CDH23: variants seen among roughly 807,000 people sequenced by gnomAD.
The protein encoded by CDH23 is cadherin related 23.
A neutral mutation model predicts 317.1 loss-of-function variants in CDH23; 189 were observed. The observed-to-expected ratio is 0.60, with a 90% CI of 0.53 to 0.67. The LOEUF (loss-of-function observed/expected upper bound fraction) is 0.67. Among genes scored for constraint, CDH23 ranks in the 30% least tolerant of loss-of-function variants. The probability of loss-of-function intolerance (pLI) is 0.00; values close to 1 mark genes in which losing one functional copy is unlikely to be tolerated. For synonymous variants in CDH23, 1,839 were observed against 1,876.8 expected (o/e 0.98, Z 0.52); for missense variants, 4,401 against 4,592.4 (o/e 0.96, Z 1.20).
At chr10:71,788,232 T>C (rs895990415) in intron 44 of CDH23, among the ~76,000 whole-genome samples, 4 of 151,964 alleles carry the variant, frequency 2.6e-5, no homozygotes, top group Non-Finnish European at 1.5e-5. Context: ...GTATTTTAAG[T>C]AGAGACAGGG....
At position 71,807,568 on chromosome 10, in the gene CDH23, G is replaced by A. The variant is rs2132988845; in HGVS notation, c.8361G>A (p.Val2787=). ...FHLQPDGCLL[V]LRDLDREREA... ...TGCAGCCCGATGGGTGTCTGCTGGT[G>A]CTGCGGGACCTGGACCGGGAGCGAG... The change falls in exon 59 of 70, where the codon GTG becomes GTA. Residue 2787 remains valine (V), a synonymous_variant. Coordinates refer to ENST00000224721, the MANE Select transcript of CDH23 (RefSeq NM_022124.6). 1 of 1,613,978 alleles carries A rather than the reference G, an allele frequency of 6.2e-7. No individual in the cohort carries two copies. Among genetic ancestry groups the A allele is most frequent in the East Asian group, 2.2e-5 (1 of 44,876 alleles).
chr10:71,687,293 G>A (rs1467237245), intron 18 of CDH23, among the ~76,000 whole-genome samples: 1 of 152,210 alleles, frequency 6.6e-6, no homozygotes, highest in Non-Finnish European at 1.5e-5. Flanking sequence ...GGAGCTGGGG[G>A]TGTGAGTGCT....
chr10:71,742,407 C>T lies in CDH23; in HGVS notation c.4845+486C>T, dbSNP rs563602341. Reference sequence around the variant, plus strand: ...CAACACGTCAGGGTGGGAAGGGATTCGTGTCTGTGGTTCACACTAACGCTC... The same window carrying T: ...CAACACGTCAGGGTGGGAAGGGATTTGTGTCTGTGGTTCACACTAACGCTC... On this transcript the variant is annotated intron_variant, in intron 38 of 69. Coordinates refer to ENST00000224721, the MANE Select transcript of CDH23 (RefSeq NM_022124.6). Among the ~76,000 whole-genome samples, 9 of 152,310 alleles carry T rather than the reference C, an allele frequency of 5.9e-5. No individual in the cohort carries two copies. In the East Asian group the frequency reaches 1.7e-3, roughly 29 times the overall value.
rs776915217 is a variant in CDH23 at position 71,511,120 on chromosome 10, G to T, written c.337G>T (p.Val113Leu). The T allele has an allele frequency of 5.0e-6, 8 of 1,613,294 alleles. No homozygotes were observed. Among genetic ancestry groups the T allele is most frequent in the South Asian group, 1.1e-5 (1 of 91,054 alleles). ...TAATTGCCCGCCTTTCTCTTGCCAG[G>T]TGATCACACGGAAGGTGAACATCCA... ...VEFSVSDHQGVITRKVNIQVG... is the reference protein window; with the variant it reads ...VEFSVSDHQGLITRKVNIQVG... Residue 113 changes from valine to leucine, a missense_variant and splice_region_variant, in exon 6 of 70, where the codon GTG (valine) becomes TTG (leucine). By Grantham distance (32) the Val-to-Leu change is conservative (BLOSUM62 1). Around this residue, in one of 3 missense-constraint regions of CDH23, gnomAD observed 3,068 missense variants for 3,203.3 expected, o/e 0.96. Coordinates refer to ENST00000224721, the MANE Select transcript of CDH23 (RefSeq NM_022124.6).
intron 1 of CDH23, among the ~76,000 whole-genome samples, chr10:71,407,531 C>A (rs1235314654): frequency 6.6e-6 from 1 of 152,160 alleles, no homozygotes; most frequent in African/African-American, 2.4e-5. Context: ...TGCCTGGACC[C>A]CAGCCCTTCC....
chr10:71,405,473 G>A (rs1047026834), intron 1 of CDH23, among the ~76,000 whole-genome samples: 12 of 143,930 alleles, frequency 8.3e-5, no homozygotes, highest in South Asian at 2.2e-4. Context: ...TCTCCCTGTC[G>A]CCCGGACTGG....
At position 71,777,827 on chromosome 10, in the gene CDH23, G is replaced by T; in HGVS notation, c.4993G>T (p.Gly1665Cys). Residue 1665 changes from glycine to cysteine, a missense_variant, in exon 39 of 70, where the codon GGT becomes TGT. By Grantham distance (159) the Gly-to-Cys change is radical (BLOSUM62 -3). Transcript: ENST00000224721. ...CATCCAGGCACTGGACCTGGATGAG[G>T]GTCCCAACGGCACAGTCACCTATGC... ...ITIQALDLDE[G>C]PNGTVTYAIV... 1.2e-6 allele frequency: 2 copies of T among 1,613,896 alleles called. No homozygotes were observed. The highest frequency in any genetic ancestry group is 1.7e-6 in the Non-Finnish European group (2 of 1,179,870).
At chr10:71,630,028 A>T (rs1216827474) in intron 11 of CDH23, among the ~76,000 whole-genome samples, 3 of 151,906 alleles carry the variant, frequency 2.0e-5, no homozygotes, top group African/African-American at 4.8e-5. Context: ...TTTTATTATT[A>T]TTTTTTATTT....
rs766172634 is a variant in CDH23, at chr10:71,788,996, C to G, written c.5877C>G (p.Phe1959Leu). 1 of 1,604,742 alleles carries G rather than the reference C, an allele frequency of 6.2e-7. No homozygotes were observed. Among genetic ancestry groups the G allele is most frequent in the South Asian group, 1.1e-5 (1 of 90,880 alleles). The change falls in exon 45 of 70, where the codon TTC becomes TTG. Residue 1959 changes from phenylalanine to leucine, a missense_variant. Phe to Leu is a conservative substitution (Grantham distance 22). Transcript: ENST00000224721. ...ATGAGAATGACAACCACCCCCTCTT[C>G]ACTAAAAGCACCTACCAGGCAGAGG... is the stretch of plus-strand genomic sequence containing the variant. Reference protein sequence around the residue: ...LSDENDNHPLFTKSTYQAEVM... With the variant: ...LSDENDNHPLLTKSTYQAEVM...
At position 71,793,279 on chromosome 10, in the gene CDH23, C is replaced by T. The variant is rs1841311809; in HGVS notation, c.6351C>T (p.Leu2117=). 1 of 1,613,890 alleles carries T rather than the reference C, an allele frequency of 6.2e-7. No homozygotes were observed. Among genetic ancestry groups the T allele is most frequent in the South Asian group, 1.1e-5 (1 of 91,082 alleles). Reference sequence around the variant, plus strand: ...AAGCTGGGGCTCAGGACCGCTTCCTCATTCATCTGGTCACCGGGGTCATCC... The same window carrying T: ...AAGCTGGGGCTCAGGACCGCTTCCTTATTCATCTGGTCACCGGGGTCATCC... ...RIEAGAQDRF[L]IHLVTGVIRV... is the part of the protein sequence containing the mutation. Residue 2117 remains leucine (L), a synonymous_variant, in exon 48 of 70, where the codon CTC becomes CTT. Transcript: ENST00000224721.
intron 9 of CDH23, among the ~76,000 whole-genome samples, chr10:71,591,252 C>T (rs1859475331): frequency 1.3e-5 from 2 of 152,162 alleles, no homozygotes. Context: ...AGATGATACT[C>T]CCAAGGGATG....
chr10:71,590,546 C>A (rs960802268), intron 9 of CDH23, among the ~76,000 whole-genome samples: 1 of 152,202 alleles, frequency 6.6e-6, no homozygotes, highest in Non-Finnish European at 1.5e-5. Context: ...TTCACAACGA[C>A]GTCCGGCAGA....
chr10:71,743,843 T>C (rs2132850830), intron 38 of CDH23, among the ~76,000 whole-genome samples: 1 of 152,348 alleles, frequency 6.6e-6, no homozygotes, highest in East Asian at 1.9e-4. Flanking sequence ...CTACAGAGAA[T>C]GTGGATTTCA....
chr10:71,719,792 C>A (rs1471632111), intron 28 of CDH23: 1 of 152,562 alleles, frequency 6.6e-6, no homozygotes, highest in African/African-American at 2.4e-5. Flanking sequence ...CTCCCCGTCA[C>A]TCCCCAGCTG....
intron 68 of CDH23, 32 bp from the exon 69 acceptor site, chr10:71,813,212 C>A: frequency 6.5e-7 from 1 of 1,542,168 alleles, no homozygotes; most frequent in Non-Finnish European, 8.8e-7. Context: ...AGGGGAGGGC[C>A]TTGGTGGGGG....
rs1002015521 is a variant in CDH23, at chr10:71,810,707, G to A, written c.9077+138G>A. ...TGTGTGGGGCCATCTCCCAGACTGG[G>A]GCAGGGCTAGGAGAGAGAGCAGAGT... On this transcript the variant is annotated intron_variant, in intron 62 of 69. Transcript: ENST00000224721. The A allele has an allele frequency of 2.1e-5, 16 of 763,620 alleles. No homozygotes were observed. The African/African-American group carries it at 2.6e-4, about 12-fold the overall frequency. The allele number at this position is 763,620 out of a possible 1,614,324, so 47.3% of individuals were successfully genotyped here.
At chr10:71,773,526 C>A in intron 38 of CDH23, 2 of 1,324,788 alleles carry the variant, frequency 1.5e-6, no homozygotes, top group East Asian at 2.6e-5. Context: ...CGACTGAGTG[C>A]GAGCGAGTGA....
intron 28 of CDH23, chr10:71,716,373 G>C (rs1234404109): frequency 1.4e-6 from 2 of 1,453,286 alleles, no homozygotes; most frequent in Non-Finnish European, 1.8e-6. Flanking sequence ...AAGCTCAAAG[G>C]CAGATCAGCT....
intron 3 of CDH23, among the ~76,000 whole-genome samples, chr10:71,486,591 T>C (rs74148318): frequency 0.017 from 2,583 of 152,162 alleles, 68 homozygotes; most frequent in African/African-American, 0.059. Flanking sequence ...ACACCAGACC[T>C]CCAGCAGAGT....
Sources: gnomAD v4.1 joint callset for allele counts (sites outside exome capture counted in the v4.1 genomes callset) on GRCh38, gnomAD v4.1.1 for gene constraint, gnomAD v4.1.1 regional missense constraint, MANE v1.5 for transcripts, NCBI Gene and HGNC (gene_info 2026-07-23, HGNC 2026-07-21) for gene names.